CATSPER4: variants seen among roughly 807,000 people sequenced by gnomAD.
The protein encoded by CATSPER4 is cation channel sperm associated 4.
In CATSPER4, 46 loss-of-function variants were observed where a neutral mutation model predicts 54.4. The observed-to-expected ratio is 0.84, with a 90% CI of 0.67 to 1.08. CATSPER4 has a LOEUF of 1.08. Ranked by LOEUF, CATSPER4 falls within the 50% of genes least tolerant of loss-of-function variation. CATSPER4 has a pLI of 0.00. For synonymous variants in CATSPER4, 230 were observed against 231.9 expected (o/e 0.99, Z 0.08); for missense variants, 574 against 612.8 (o/e 0.94, Z 0.67).
rs567151305 is a variant in CATSPER4 at position 26,195,793 on chromosome 1, C to T, written c.460-1893C>T. On this transcript the variant is annotated intron_variant, in intron 3 of 9. Coordinates refer to ENST00000456354, the MANE Select transcript of CATSPER4 (RefSeq NM_198137.2). Reference sequence around the variant, plus strand: ...CTGGGATTACAGGCATAAGCCACCGCGCCCGGCCTATGCCAGGCTCTTTTT... The same window carrying T: ...CTGGGATTACAGGCATAAGCCACCGTGCCCGGCCTATGCCAGGCTCTTTTT... Among the ~76,000 whole-genome samples, 5 of 152,102 alleles carry T rather than the reference C, an allele frequency of 3.3e-5. No homozygotes were observed. In the East Asian group the frequency reaches 7.8e-4, roughly 24 times the overall value.
Position 26,193,809 on chromosome 1 carries a change from C to T in CATSPER4, c.380C>T (p.Thr127Ile). 1.2e-6 allele frequency: 2 copies of T among 1,613,510 alleles called. No homozygotes were observed. Among genetic ancestry groups the T allele is most frequent in the South Asian group, 1.1e-5 (1 of 91,072 alleles). Residue 127 changes from threonine to isoleucine, a missense_variant, in exon 3 of 10, where the codon ACC becomes ATC. Coordinates refer to ENST00000456354, the MANE Select transcript of CATSPER4 (RefSeq NM_198137.2). ...LDQKHYELFSTIDDIVLTILL... is the reference protein window; with the variant it reads ...LDQKHYELFSIIDDIVLTILL... ...TAGAAACACTATGAGTTGTTCTCTA[C>T]CATAGATGACATTGTGCTGACCATC... is the stretch of plus-strand genomic sequence containing the variant.
At position 26,200,900 on chromosome 1, in the gene CATSPER4, A is replaced by C. The variant is rs2088999956; in HGVS notation, c.1058A>C (p.Lys353Thr). ...LVHCVVARSE[K>T]SGLLQEPLAG... ...CATTGTGTGGTCGCCCGCTCGGAGA[A>C]ATCTGGTCTCCTCCAGGAACCCCTT... The change falls in exon 8 of 10, where the codon AAA becomes ACA. Residue 353 changes from lysine (K) to threonine (T), a missense_variant. Transcript: ENST00000456354. The C allele has an allele frequency of 5.6e-6, 9 of 1,613,984 alleles. No homozygotes were observed. In the East Asian group the frequency reaches 8.9e-5, roughly 16 times the overall value.
intron 8 of CATSPER4, 41 bp downstream of exon 8, chr1:26,201,082 C>G: frequency 6.7e-7 from 1 of 1,498,966 alleles, no homozygotes; most frequent in Non-Finnish European, 9.3e-7. Flanking sequence ...TCATGTGAGT[C>G]AAGGCTGGGC....
intron 3 of CATSPER4, 101 bp from the exon 4 acceptor site, chr1:26,197,585 G>A: frequency 2.5e-6 from 2 of 813,060 alleles, no homozygotes; most frequent in Non-Finnish European, 4.3e-6. Flanking sequence ...TGCTCTGAGA[G>A]GGACATTGAG....
At position 26,197,958 on chromosome 1, in the gene CATSPER4, G is replaced by A; in HGVS notation, c.559G>A (p.Ala187Thr). ...CACCCCTGACAGGCTCTGCCACAGGGCGCTTCGTCTGGTGCATGTGTGCAT... is the reference window on the plus strand; with the variant it reads ...CACCCCTGACAGGCTCTGCCACAGGACGCTTCGTCTGGTGCATGTGTGCAT... ...NIPSINYTLR[A>T]LRLVHVCMAV... is the part of the protein sequence containing the mutation. The change falls in exon 5 of 10, where the codon GCG becomes ACG. Residue 187 changes from alanine to threonine, a missense_variant and splice_region_variant. Physicochemically the swap from Ala to Thr is moderately conservative, Grantham distance 58. Coordinates refer to ENST00000456354, the MANE Select transcript of CATSPER4 (RefSeq NM_198137.2). 6.2e-7 allele frequency: 1 copy of A among 1,613,090 alleles called. No individual in the cohort carries two copies.
intron 2 of CATSPER4, among the ~76,000 whole-genome samples, chr1:26,192,598 A>AT (rs1168290350): frequency 6.3e-4 from 48 of 76,550 alleles, no homozygotes; most frequent in Admixed American, 1.0e-3. Flanking sequence ...TCAAAAAAAA[A>AT]ATTTTTTTTG....
chr1:26,201,691 T>C (rs1327785805), intron 9 of CATSPER4, 172 bp downstream of exon 9: 1 of 150,928 alleles, frequency 6.6e-6, no homozygotes. Context: ...CTTTCTTTCC[T>C]TTTTTTTTTT....
rs1001393617 is a variant in CATSPER4 at position 26,201,429 on chromosome 1, G to A, written c.1275G>A (p.Thr425=). The A allele has an allele frequency of 1.9e-6, 3 of 1,614,032 alleles. No individual in the cohort carries two copies. Among genetic ancestry groups the A allele is most frequent in the Non-Finnish European group, 2.5e-6 (3 of 1,179,950 alleles). Residue 425 remains threonine (T), a synonymous_variant, in exon 9 of 10, where the codon ACG becomes ACA. Transcript: ENST00000456354. ...AGGTGTTGAACAGGCGCTCGTCGAC[G>A]AGCGGGTCGTTGGAGACTACGTCAT... ...ESEVLNRRSS[T]SGSLETTSSK...
chr1:26,200,922 C>G lies in CATSPER4; in HGVS notation c.1080C>G (p.Pro360=). 6.2e-7 allele frequency: 1 copy of G among 1,614,084 alleles called. No individual in the cohort carries two copies. Among genetic ancestry groups the G allele is most frequent in the South Asian group, 1.1e-5 (1 of 91,088 alleles). Residue 360 remains proline, a synonymous_variant, in exon 8 of 10, where the codon CCC becomes CCG. Transcript: ENST00000456354. ...AGAAATCTGGTCTCCTCCAGGAACCCCTTGCGGGAGGCCCCCTGTCGAACC... is the reference window on the plus strand; with the variant it reads ...AGAAATCTGGTCTCCTCCAGGAACCGCTTGCGGGAGGCCCCCTGTCGAACC... ...RSEKSGLLQE[P]LAGGPLSNLS...
At chr1:26,201,105 T>G (rs918033257) in intron 8 of CATSPER4, 64 bp downstream of exon 8, 6 of 1,347,658 alleles carry the variant, frequency 4.5e-6, no homozygotes, top group African/African-American at 4.3e-5. Flanking sequence ...AGCGTCAGAG[T>G]CTTCTGGCCT....
At chr1:26,197,543 G>C (rs1435855650) in intron 3 of CATSPER4, 143 bp from the exon 4 acceptor site, 2 of 680,638 alleles carry the variant, frequency 2.9e-6, no homozygotes, top group African/African-American at 3.5e-5. Context: ...GGGGCGGCAG[G>C]GTAACAGCAG....
chr1:26,199,265 G>A (rs1335755003), intron 6 of CATSPER4, among the ~76,000 whole-genome samples: 1 of 151,956 alleles, frequency 6.6e-6, no homozygotes. Flanking sequence ...GTGAAACCCC[G>A]TCTCTACTAA....
At position 26,198,266 on chromosome 1, in the gene CATSPER4, G is replaced by T; in HGVS notation, c.679-20G>T. On this transcript the variant is annotated intron_variant, in intron 5 of 9. Coordinates refer to ENST00000456354, the MANE Select transcript of CATSPER4 (RefSeq NM_198137.2). Reference sequence around the variant, plus strand: ...AGGCCCTTTGGTGAAGTCGGGGTGGGGCTCTTTTCTCTCTGACAGGTTTTT... The same window carrying T: ...AGGCCCTTTGGTGAAGTCGGGGTGGTGCTCTTTTCTCTCTGACAGGTTTTT... The T allele has an allele frequency of 1.2e-6, 2 of 1,614,158 alleles. No homozygotes were observed. Among genetic ancestry groups the T allele is most frequent in the Non-Finnish European group, 1.7e-6 (2 of 1,180,038 alleles).
Position 26,202,470 on chromosome 1 carries a change from A to C in CATSPER4, c.1366-19A>C. On this transcript the variant is annotated intron_variant, in intron 9 of 9. Transcript: ENST00000456354. The stretch of plus-strand genomic sequence containing the variant: ...TCGGGGGGAGTGGGGGATTAACAAG[A>C]AGACCTCTTGGTTTGCAGGTTCATG... 3.1e-6 allele frequency: 5 copies of C among 1,609,694 alleles called. No homozygotes were observed. The highest frequency in any genetic ancestry group is 4.2e-6 in the Non-Finnish European group (5 of 1,177,668).
At chr1:26,192,009 T>A (rs1275846042) in intron 2 of CATSPER4, among the ~76,000 whole-genome samples, 3 of 151,488 alleles carry the variant, frequency 2.0e-5, no homozygotes, top group Non-Finnish European at 4.4e-5. Context: ...AAAGAGCACG[T>A]AGGAGTTGGC....
intron 9 of CATSPER4, 27 bp downstream of exon 9, chr1:26,201,546 G>A: frequency 6.2e-7 from 1 of 1,612,898 alleles, no homozygotes; most frequent in Non-Finnish European, 8.5e-7. Context: ...CTACCCAATG[G>A]GTACTCGCCC....
At chr1:26,201,919 G>A (rs976246058) in intron 9 of CATSPER4, among the ~76,000 whole-genome samples, 7 of 151,968 alleles carry the variant, frequency 4.6e-5, no homozygotes, top group Non-Finnish European at 1.0e-4. Context: ...TTGAACTCCT[G>A]ACCTCGTGAT....
chr1:26,198,479 C>T (rs755571406), intron 6 of CATSPER4, 60 bp downstream of exon 6: 39 of 1,608,018 alleles, frequency 2.4e-5, no homozygotes, highest in Non-Finnish European at 3.2e-5. Flanking sequence ...GCCGGTGGAG[C>T]TCCAGGCTGA....
At position 26,199,080 on chromosome 1, in the gene CATSPER4, G is replaced by A. The variant is rs565266817; in HGVS notation, c.812+661G>A. Among the ~76,000 whole-genome samples the A allele has an allele frequency of 4.6e-5, 7 of 152,288 alleles. No homozygotes were observed. The South Asian group carries it at 1.5e-3, about 32-fold the overall frequency. ...CCAGCACCTTGGGAGGCCGAGGTGG[G>A]CAGCTCACGAGGTCAGATCAAGGCT... On this transcript the variant is annotated intron_variant, in intron 6 of 9. Transcript: ENST00000456354.
Sources: gnomAD v4.1 joint callset for allele counts (sites outside exome capture counted in the v4.1 genomes callset) on GRCh38, gnomAD v4.1.1 for gene constraint, MANE v1.5 for transcripts, NCBI Gene and HGNC (gene_info 2026-07-23, HGNC 2026-07-21) for gene names.